AIRIM: variants seen among roughly 807,000 people sequenced by gnomAD.
AIRIM encodes the protein AFG2-interacting ribosome maturation factor.
the AIRIM span, chr1:37,690,022 T>C: frequency 7.0e-7 from 1 of 1,422,696 alleles, no homozygotes; most frequent in Non-Finnish European, 9.1e-7. Flanking sequence ...AGGGTTTTTT[T>C]TTTGTTTTTT....
At chr1:37,685,382 C>CTT in the AIRIM span, among the ~76,000 whole-genome samples, 42 of 138,248 alleles carry the variant, frequency 3.0e-4, no homozygotes, top group East Asian at 2.1e-3. Flanking sequence ...GCCCAAAATT[C>CTT]TTTTTTTTTT....
chr1:37,683,404 G>A, the AIRIM span: 189,684 of 1,613,822 alleles, frequency 0.12, 12,285 homozygotes, highest in Non-Finnish European at 0.13. Context: ...CTCCCCACTG[G>A]ATAGACGAAA....
At chr1:37,688,511 ATTGT>A in the AIRIM span, among the ~76,000 whole-genome samples, 3 of 152,158 alleles carry the variant, frequency 2.0e-5, no homozygotes, top group African/African-American at 7.2e-5. Flanking sequence ...TAATTCACTG[ATTGT>A]TTATTTCTTC....
the AIRIM span, chr1:37,689,748 G>A: frequency 6.2e-7 from 1 of 1,613,870 alleles, no homozygotes; most frequent in Non-Finnish European, 8.5e-7. Context: ...TGTTCCGCCA[G>A]GTTGCTGAGG....
the AIRIM span, chr1:37,686,270 T>C: frequency 1.2e-6 from 2 of 1,611,460 alleles, no homozygotes; most frequent in Non-Finnish European, 1.7e-6. Flanking sequence ...GTGCAAAGGA[T>C]ACGACTTTCG....
chr1:37,690,557 A>C, the AIRIM span: 5 of 1,073,654 alleles, frequency 4.7e-6, no homozygotes, highest in East Asian at 6.6e-5. Flanking sequence ...CCACAAAGCT[A>C]CTCCGCGGGC....
the AIRIM span, chr1:37,690,496 G>A: frequency 3.8e-5 from 46 of 1,210,030 alleles, no homozygotes; most frequent in Non-Finnish European, 4.5e-5. Flanking sequence ...ACCCTCCAGG[G>A]ACTGCACCAC....
At chr1:37,687,051 GTC>G in the AIRIM span, among the ~76,000 whole-genome samples, 1 of 150,140 alleles carries the variant, frequency 6.7e-6, no homozygotes, top group East Asian at 2.0e-4. Flanking sequence ...GCGAGACTCC[GTC>G]TCAAAAGTGT....
chr1:37,687,804 TC>T, the AIRIM span, among the ~76,000 whole-genome samples: 2 of 152,174 alleles, frequency 1.3e-5, no homozygotes, highest in Non-Finnish European at 2.9e-5. Flanking sequence ...ACTCCTGGGT[TC>T]AAATGATCCT....
the AIRIM span, chr1:37,686,432 C>G: frequency 6.2e-7 from 1 of 1,613,724 alleles, no homozygotes; most frequent in South Asian, 1.1e-5. Flanking sequence ...GACCATGTCT[C>G]GCACCTTGAG....
At chr1:37,689,628 G>C in the AIRIM span, 2 of 1,611,332 alleles carry the variant, frequency 1.2e-6, no homozygotes, top group Non-Finnish European at 1.7e-6. Context: ...AGCTTGTCCA[G>C]GACGATGTCA....
the AIRIM span, among the ~76,000 whole-genome samples, chr1:37,687,773 G>A: frequency 3.3e-5 from 5 of 152,038 alleles, no homozygotes; most frequent in Non-Finnish European, 7.4e-5. Flanking sequence ...ATTAAGTAAA[G>A]CACTCATAGG....
chr1:37,685,073 C>T, the AIRIM span, among the ~76,000 whole-genome samples: 3 of 152,062 alleles, frequency 2.0e-5, no homozygotes, highest in Non-Finnish European at 4.4e-5. Context: ...CTTGCCCCCA[C>T]TACCCCAAAT....
chr1:37,684,747 T>G, the AIRIM span, among the ~76,000 whole-genome samples: 1 of 152,188 alleles, frequency 6.6e-6, no homozygotes, highest in Non-Finnish European at 1.5e-5. Flanking sequence ...AACAATCCAG[T>G]TGGAGGCATC....
chr1:37,683,101 T>G, the AIRIM span: 1 of 1,608,982 alleles, frequency 6.2e-7, no homozygotes, highest in Non-Finnish European at 8.5e-7. Flanking sequence ...GTACCCGTGG[T>G]CTCCAGATAC....
chr1:37,684,076 C>T, the AIRIM span: 1 of 152,240 alleles, frequency 6.6e-6, no homozygotes, highest in African/African-American at 2.4e-5. Flanking sequence ...TTGGAGTCAG[C>T]TTAGAAGGAA....
the AIRIM span, among the ~76,000 whole-genome samples, chr1:37,687,461 T>TTA: frequency 2.7e-5 from 4 of 146,664 alleles, no homozygotes; most frequent in Non-Finnish European, 6.0e-5. Flanking sequence ...TTAAAACATT[T>TTA]AAAAAAAAAA....
At chr1:37,688,183 T>C in the AIRIM span, among the ~76,000 whole-genome samples, 1 of 152,220 alleles carries the variant, frequency 6.6e-6, no homozygotes, top group Admixed American at 6.5e-5. Flanking sequence ...CAGCCTCCCC[T>C]TTAGCTGGGA....
At chr1:37,684,762 G>A in the AIRIM span, among the ~76,000 whole-genome samples, 1 of 152,186 alleles carries the variant, frequency 6.6e-6, no homozygotes, top group Non-Finnish European at 1.5e-5. Context: ...GGCATCTGCA[G>A]GAAACCAAAA....
Sources: gnomAD v4.1 joint callset for allele counts (sites outside exome capture counted in the v4.1 genomes callset) on GRCh38, gnomAD v4.1.1 for gene constraint, MANE v1.5 for transcripts, NCBI Gene and HGNC (gene_info 2026-07-23, HGNC 2026-07-21) for gene names.